The following ADGRB3 variants were observed in gnomAD, a reference collection of about 807,000 sequenced individuals.
ADGRB3 encodes adhesion G protein-coupled receptor B3, also known as brain-specific angiogenesis inhibitor 3.
ADGRB3 carries 37 observed loss-of-function variants against 193.4 expected under a neutral mutation model. The ratio of observed to expected loss-of-function variants is 0.19; its 90% CI spans 0.15 to 0.25. The LOEUF is 0.25. ADGRB3 is among the 10% of genes least tolerant of loss of function. The pLI is 1.00. For missense variants in ADGRB3, 1,637 were observed against 1,852.9 expected (o/e 0.88, Z 2.14); for synonymous variants, 690 against 644.2 (o/e 1.07, Z -1.08).
chr6:68,908,710 G>T (rs1383305644), intron 3 of ADGRB3, among the ~76,000 whole-genome samples: 1 of 152,050 alleles, frequency 6.6e-6, no homozygotes, highest in Non-Finnish European at 1.5e-5. Flanking sequence ...CAAAGCCCTT[G>T]TTGTGACTTC....
At chr6:68,821,397 A>T (rs1396283186) in intron 3 of ADGRB3, among the ~76,000 whole-genome samples, 2 of 151,930 alleles carry the variant, frequency 1.3e-5, no homozygotes, top group Non-Finnish European at 2.9e-5. Flanking sequence ...ATTCCACTGT[A>T]CACTACTCTC....
At chr6:68,762,022 G>A (rs148509190) in intron 3 of ADGRB3, among the ~76,000 whole-genome samples, 16 of 152,050 alleles carry the variant, frequency 1.1e-4, no homozygotes, top group Non-Finnish European at 1.5e-5. Context: ...TGAAAGTTTC[G>A]TGTAGTGAAT....
At chr6:68,722,631 A>C (rs1347128862) in intron 3 of ADGRB3, among the ~76,000 whole-genome samples, 1 of 150,216 alleles carries the variant, frequency 6.7e-6, no homozygotes, top group Non-Finnish European at 1.5e-5. Flanking sequence ...TGAATCTATC[A>C]GGTTACTTCT....
intron 10 of ADGRB3, among the ~76,000 whole-genome samples, chr6:68,988,866 T>C (rs954546733): frequency 1.3e-5 from 2 of 152,142 alleles, no homozygotes; most frequent in African/African-American, 4.8e-5. Flanking sequence ...TCTAAGAAAT[T>C]TGTAATTCAT....
intron 17 of ADGRB3, among the ~76,000 whole-genome samples, chr6:69,230,389 T>C (rs1766106804): frequency 6.6e-6 from 1 of 152,216 alleles, no homozygotes; most frequent in South Asian, 2.1e-4. Flanking sequence ...ATACTTCACA[T>C]GTTCAGAAAT....
chr6:68,779,915 CTTTT>C (rs942714362), intron 3 of ADGRB3, among the ~76,000 whole-genome samples: 2 of 152,036 alleles, frequency 1.3e-5, no homozygotes, highest in Admixed American at 6.6e-5. Context: ...AGAAGAAACA[CTTTT>C]TTTATCCTAC....
At chr6:68,821,761 A>G (rs981188701) in intron 3 of ADGRB3, among the ~76,000 whole-genome samples, 1 of 151,932 alleles carries the variant, frequency 6.6e-6, no homozygotes, top group East Asian at 1.9e-4. Context: ...CTTTTGTGGT[A>G]TTAATTAATT....
intron 20 of ADGRB3, among the ~76,000 whole-genome samples, chr6:69,319,756 T>G (rs1768405170): frequency 6.6e-6 from 1 of 151,486 alleles, no homozygotes; most frequent in Non-Finnish European, 1.5e-5. Flanking sequence ...CATGTTAGTA[T>G]TTGCATAAGC....
intron 20 of ADGRB3, among the ~76,000 whole-genome samples, chr6:69,282,009 G>A (rs1343347833): frequency 6.6e-6 from 1 of 152,042 alleles, no homozygotes; most frequent in Non-Finnish European, 1.5e-5. Flanking sequence ...TACCTTGCAG[G>A]CTCATAAAGA....
At chr6:69,163,296 G>A (rs1386058674) in intron 17 of ADGRB3, among the ~76,000 whole-genome samples, 1 of 152,004 alleles carries the variant, frequency 6.6e-6, no homozygotes, top group East Asian at 1.9e-4. Flanking sequence ...CAATGGAAAT[G>A]TTAGTTCAGA....
intron 3 of ADGRB3, among the ~76,000 whole-genome samples, chr6:68,677,863 A>G (rs1769137246): frequency 6.6e-6 from 1 of 152,110 alleles, no homozygotes; most frequent in African/African-American, 2.4e-5. Context: ...GGCAAAAGTG[A>G]GGAATTTTTA....
At chr6:68,843,045 C>CA (rs760834633) in intron 3 of ADGRB3, among the ~76,000 whole-genome samples, 1 of 66,484 alleles carries the variant, frequency 1.5e-5, no homozygotes. Context: ...AAGCCATATA[C>CA]AACAACAAAA....
intron 3 of ADGRB3, among the ~76,000 whole-genome samples, chr6:68,779,080 T>A (rs370481328): frequency 4.1e-4 from 62 of 152,046 alleles, no homozygotes; most frequent in African/African-American, 1.3e-3. Context: ...AATGATTTTT[T>A]AAAATTATAT....
intron 29 of ADGRB3, among the ~76,000 whole-genome samples, chr6:69,366,825 G>C (rs1054179364): frequency 6.6e-6 from 1 of 152,106 alleles, no homozygotes; most frequent in Non-Finnish European, 1.5e-5. Flanking sequence ...TTGTCGTGCA[G>C]CTCTTTTAAT....
chr6:69,012,595 G>A (rs570465390), intron 11 of ADGRB3, among the ~76,000 whole-genome samples: 15 of 152,118 alleles, frequency 9.9e-5, no homozygotes, highest in Admixed American at 3.3e-4. Context: ...ATTGAAAAAC[G>A]GGTCTAAAAC....
At chr6:69,365,223 C>G (rs947659787) in intron 29 of ADGRB3, among the ~76,000 whole-genome samples, 5 of 151,992 alleles carry the variant, frequency 3.3e-5, no homozygotes, top group Non-Finnish European at 4.4e-5. Context: ...TGGGTTCTAC[C>G]AACAGGAAGC....
At chr6:69,321,006 A>C (rs1053338762) in intron 20 of ADGRB3, among the ~76,000 whole-genome samples, 1 of 151,664 alleles carries the variant, frequency 6.6e-6, no homozygotes, top group African/African-American at 2.4e-5. Context: ...TGTGTCATCC[A>C]TGCATTATGA....
rs143101480 is a variant in ADGRB3, at chr6:69,272,152, T to C, written c.2814+32926T>C. On this transcript the variant is annotated intron_variant, in intron 20 of 31. Coordinates refer to ENST00000370598, the MANE Select transcript of ADGRB3 (RefSeq NM_001704.3). ...ACCTCCTGGACAATTGATAGGCATA[T>C]AAACAATTGGTCCTAATAGTTGTAG... Among the ~76,000 whole-genome samples, 191 of 152,334 alleles carry C rather than the reference T, an allele frequency of 1.3e-3. 1 individual carries two copies. Among genetic ancestry groups the C allele is most frequent in the Non-Finnish European group, 2.1e-3 (144 of 68,040 alleles).
At chr6:69,184,742 G>A (rs991260855) in intron 17 of ADGRB3, among the ~76,000 whole-genome samples, 1 of 151,924 alleles carries the variant, frequency 6.6e-6, no homozygotes. Context: ...ACCTCCTAAG[G>A]GAAAGGAAAA....
Sources: gnomAD v4.1 joint callset for allele counts (sites outside exome capture counted in the v4.1 genomes callset) on GRCh38, gnomAD v4.1.1 for gene constraint, MANE v1.5 for transcripts, NCBI Gene and HGNC (gene_info 2026-07-23, HGNC 2026-07-21) for gene names.